MORN1: variants seen among roughly 807,000 people sequenced by gnomAD.
MORN1 encodes MORN repeat containing 1.
MORN1 carries 67 observed loss-of-function variants against 61.9 expected under a neutral mutation model. The observed-to-expected ratio is 1.08, with a 90% CI of 0.89 to 1.33. The LOEUF (loss-of-function observed/expected upper bound fraction) is 1.33, where lower values mean the gene tolerates loss of function less well. MORN1 is among the 40% of genes most tolerant of loss of function. The pLI is 0.00. For missense variants in MORN1, 752 were observed against 691.2 expected (o/e 1.09, Z -0.99); for synonymous variants, 301 against 292.0 (o/e 1.03, Z -0.31).
intron 10 of MORN1, chr1:2,352,861 G>A (rs1641680623): frequency 1.3e-5 from 2 of 153,032 alleles, no homozygotes; most frequent in South Asian, 2.1e-4. Flanking sequence ...TGGCTGTCTG[G>A]GTAGGAGATC....
chr1:2,357,441 C>T lies in MORN1; in HGVS notation c.1027G>A (p.Gly343Ser), dbSNP rs781488030. The change falls in exon 10 of 14, where the codon GGC becomes AGC. Residue 343 changes from glycine (G) to serine (S), a missense_variant. Physicochemically the swap from Gly to Ser is moderately conservative, Grantham distance 56. Transcript: ENST00000378531. This position sits in a 1 kb window ranked among gnomAD's most constrained non-coding sequence, Gnocchi z 6.3. ...TGTGAGCTCCACTTACCAAGCAGGC[C>T]ACCAGGGGTGTCCTCCTGGCCATGG... ...ALHGQEDTPG[G>S]LLARGHAPHC... 1.2e-6 allele frequency: 2 copies of T among 1,607,016 alleles called. No homozygotes were observed. Among genetic ancestry groups the T allele is most frequent in the Non-Finnish European group, 8.5e-7 (1 of 1,176,566 alleles).
At chr1:2,324,925 C>T (rs892483157) in intron 12 of MORN1, among the ~76,000 whole-genome samples, 9 of 151,822 alleles carry the variant, frequency 5.9e-5, no homozygotes, top group Admixed American at 1.3e-4. Context: ...GCCCTGAGGA[C>T]GTGGCCATGG....
intron 12 of MORN1, among the ~76,000 whole-genome samples, chr1:2,328,861 C>T (rs891605127): frequency 6.6e-6 from 1 of 152,358 alleles, no homozygotes; most frequent in Non-Finnish European, 1.5e-5. Context: ...GGCCTCTTGC[C>T]TCCTGCCTGG....
At chr1:2,332,913 C>T (rs1178399900) in intron 12 of MORN1, among the ~76,000 whole-genome samples, 3 of 152,142 alleles carry the variant, frequency 2.0e-5, no homozygotes, top group South Asian at 2.1e-4. Flanking sequence ...GCTGGGGCTC[C>T]GTGACCTCCA....
At chr1:2,378,522 C>A (rs766183474) in intron 6 of MORN1, 1 of 181,084 alleles carries the variant, frequency 5.5e-6, no homozygotes, top group South Asian at 1.2e-4. Flanking sequence ...CAGGCAAAGC[C>A]GCCCAGAAGG....
chr1:2,323,055 C>T, intron 13 of MORN1: 8 of 985,440 alleles, frequency 8.1e-6, no homozygotes, highest in Non-Finnish European at 9.6e-6. Context: ...CACATAAACC[C>T]TGGCCGAGCG....
At chr1:2,339,305 C>T (rs974138259) in intron 10 of MORN1, among the ~76,000 whole-genome samples, 2 of 152,280 alleles carry the variant, frequency 1.3e-5, no homozygotes, top group Non-Finnish European at 2.9e-5. Flanking sequence ...CCGCATGGCA[C>T]GGGTCCACGG....
intron 10 of MORN1, chr1:2,355,592 AG>A: frequency 1.0e-6 from 1 of 990,842 alleles, no homozygotes; most frequent in Non-Finnish European, 1.5e-6. Context: ...CAGGGCGGCC[AG>A]GGGCATTCCG....
At chr1:2,325,703 G>C (rs1641013406) in intron 12 of MORN1, among the ~76,000 whole-genome samples, 1 of 149,634 alleles carries the variant, frequency 6.7e-6, no homozygotes, top group Admixed American at 6.7e-5. Context: ...GCCCAGGCTG[G>C]AGTGCTGTGG....
intron 6 of MORN1, chr1:2,377,613 G>A (rs1202790680): frequency 2.0e-5 from 3 of 152,340 alleles, no homozygotes; most frequent in Non-Finnish European, 2.9e-5. Context: ...GTCCATTCAT[G>A]CTGTTTTCTT....
intron 13 of MORN1, chr1:2,323,367 T>C: frequency 1.0e-6 from 1 of 985,406 alleles, no homozygotes; most frequent in Non-Finnish European, 1.2e-6. Flanking sequence ...TTCCAGCCTT[T>C]GGCTCTCCAG....
At chr1:2,342,146 G>A (rs1307706548) in intron 10 of MORN1, among the ~76,000 whole-genome samples, 1 of 152,272 alleles carries the variant, frequency 6.6e-6, no homozygotes, top group African/African-American at 2.4e-5. Context: ...CGGGGGCCTC[G>A]GGAACCGAGA....
intron 8 of MORN1, among the ~76,000 whole-genome samples, chr1:2,368,519 C>T (rs1415066206): frequency 1.3e-5 from 2 of 152,168 alleles, no homozygotes; most frequent in Admixed American, 6.5e-5. Context: ...TGGCATGATG[C>T]GTTGGTGGGC....
intron 7 of MORN1, among the ~76,000 whole-genome samples, chr1:2,373,059 C>T (rs976969493): frequency 1.3e-5 from 2 of 152,196 alleles, no homozygotes; most frequent in Admixed American, 6.5e-5. Context: ...CAGCCAGGGC[C>T]GCCCCTGCTC....
chr1:2,328,718 G>T (rs568324771), intron 12 of MORN1, among the ~76,000 whole-genome samples: 3 of 152,316 alleles, frequency 2.0e-5, no homozygotes, highest in East Asian at 3.9e-4. Context: ...AGAGCCAGGG[G>T]CCAGTGCTTT....
intron 12 of MORN1, among the ~76,000 whole-genome samples, chr1:2,324,377 C>G (rs1044088764): frequency 7.9e-5 from 12 of 152,206 alleles, no homozygotes; most frequent in Non-Finnish European, 1.6e-4. Flanking sequence ...TCCTCTTTGT[C>G]TAAATTCTTG....
At chr1:2,351,575 G>T (rs1641648401) in intron 10 of MORN1, 2 of 237,178 alleles carry the variant, frequency 8.4e-6, no homozygotes, top group African/African-American at 2.3e-5. Flanking sequence ...GTGTGGCCTG[G>T]TGTGGCCGGG....
At chr1:2,355,874 C>G (rs1641752668) in intron 10 of MORN1, among the ~76,000 whole-genome samples, 1 of 152,198 alleles carries the variant, frequency 6.6e-6, no homozygotes, top group South Asian at 2.1e-4. Context: ...GTCTGCGGCA[C>G]CCTTGGGACA....
In MORN1 at chr1:2,351,822, G is replaced by A. The variant is rs901802574; in HGVS notation, c.1036+5610C>T. 6.0e-5 allele frequency: 32 copies of A among 536,182 alleles called. No individual in the cohort carries two copies. The East Asian group carries it at 1.1e-3, about 18-fold the overall frequency. 33.2% of individuals were successfully genotyped at this position (536,182 alleles called of 1,614,324 possible). On this transcript the variant is annotated intron_variant, in intron 10 of 13. Transcript: ENST00000378531. ...TAGGATACGTCTCATTCTGTGGTCCGTGTGTGGCAGCATCTTGCTACTCTT... is the reference window on the plus strand; with the variant it reads ...TAGGATACGTCTCATTCTGTGGTCCATGTGTGGCAGCATCTTGCTACTCTT...
Sources: gnomAD v4.1 joint callset for allele counts (sites outside exome capture counted in the v4.1 genomes callset) on GRCh38, gnomAD v4.1.1 for gene constraint, Gnocchi (gnomAD v3.1) non-coding constraint, MANE v1.5 for transcripts, NCBI Gene and HGNC (gene_info 2026-07-23, HGNC 2026-07-21) for gene names.